OXR1: variants seen among roughly 807,000 people sequenced by gnomAD.
OXR1 encodes the protein oxidation resistance protein 1.
In OXR1, 41 loss-of-function variants were observed where a neutral mutation model predicts 104.6. The ratio of observed to expected loss-of-function variants is 0.39; its 90% CI spans 0.31 to 0.51. The LOEUF is 0.51. Ranked by LOEUF, OXR1 falls within the 20% of genes least tolerant of loss-of-function variation. The probability of loss-of-function intolerance (pLI) is 0.77; values close to 1 mark genes in which losing one functional copy is unlikely to be tolerated. For missense variants in OXR1, 955 were observed against 1,031.9 expected (o/e 0.93, Z 1.02); for synonymous variants, 348 against 348.4 (o/e 1.00, Z 0.01).
Position 106,320,672 on chromosome 8 carries a change from CT to C in OXR1, c.-138-38797del, listed in dbSNP as rs1814176343. ...TCTCTTCTCTTTTTCTCTCATTCTT[CT>C]TTTTTTGGGGGGGGCGGGGACAGAG... On this transcript the variant is annotated intron_variant, in intron 1 of 16. Coordinates refer to ENST00000517566, the MANE Select transcript of OXR1 (RefSeq NM_001198533.2). Among the ~76,000 whole-genome samples the C allele has an allele frequency of 3.1e-5, 4 of 129,028 alleles. No individual in the cohort carries two copies. The South Asian group carries it at 6.8e-4, about 22-fold the overall frequency. 84.6% of individuals were successfully genotyped at this position (129,028 alleles called of 152,430 possible).
At chr8:106,284,328 A>G (rs570250534) in intron 1 of OXR1, among the ~76,000 whole-genome samples, 1 of 152,158 alleles carries the variant, frequency 6.6e-6, no homozygotes, top group Non-Finnish European at 1.5e-5. Flanking sequence ...GTTGGCACAT[A>G]TGAGGACACC....
At chr8:106,698,050 CG>C (rs1830234271) in intron 7 of OXR1, 1 of 1,476,038 alleles carries the variant, frequency 6.8e-7, no homozygotes, top group East Asian at 2.3e-5. Context: ...AGCGTTCAAA[CG>C]GGCTGGAGAG....
At chr8:106,306,290 T>C (rs1256143999) in intron 1 of OXR1, among the ~76,000 whole-genome samples, 3 of 152,146 alleles carry the variant, frequency 2.0e-5, no homozygotes, top group Non-Finnish European at 2.9e-5. Flanking sequence ...GTTAATAATT[T>C]TATTTCATTC....
intron 3 of OXR1, among the ~76,000 whole-genome samples, chr8:106,549,535 T>C (rs757928157): frequency 6.6e-6 from 1 of 152,226 alleles, no homozygotes; most frequent in Non-Finnish European, 1.5e-5. Context: ...ATTTTTAAAA[T>C]GATCACTATC....
chr8:106,310,052 T>C (rs1185750583), intron 1 of OXR1, among the ~76,000 whole-genome samples: 1 of 151,922 alleles, frequency 6.6e-6, no homozygotes, highest in Non-Finnish European at 1.5e-5. Context: ...CTGTGGAAAA[T>C]GGGAATGATT....
chr8:106,518,787 TTC>T (rs1292396093), intron 2 of OXR1, among the ~76,000 whole-genome samples, 154 bp from the exon 3 acceptor site: 2 of 152,336 alleles, frequency 1.3e-5, no homozygotes, highest in Admixed American at 1.3e-4. Context: ...TGTAGAATTT[TTC>T]TTAAAATACT....
intron 3 of OXR1, among the ~76,000 whole-genome samples, chr8:106,555,742 A>T (rs550627458): frequency 6.6e-6 from 1 of 152,018 alleles, no homozygotes; most frequent in African/African-American, 2.4e-5. Flanking sequence ...TATGATAAAT[A>T]ATTTATAAAT....
chr8:106,408,217 C>T (rs945568807), intron 2 of OXR1, among the ~76,000 whole-genome samples: 47 of 152,252 alleles, frequency 3.1e-4, no homozygotes, highest in African/African-American at 1.0e-3. Flanking sequence ...GTTCTTCTCT[C>T]TGGAATAGTT....
At chr8:106,676,581 G>C (rs964625962) in intron 3 of OXR1, among the ~76,000 whole-genome samples, 1 of 152,032 alleles carries the variant, frequency 6.6e-6, no homozygotes, top group African/African-American at 2.4e-5. Flanking sequence ...TGAAATTCTG[G>C]GTTGGAATTT....
chr8:106,476,128 T>C (rs1597923), intron 2 of OXR1, among the ~76,000 whole-genome samples: 81,391 of 151,556 alleles, frequency 0.54, 24,183 homozygotes, highest in Non-Finnish European at 0.68. Flanking sequence ...CTGACAACTC[T>C]TTCCATAGAG....
chr8:106,609,400 C>T (rs1312411646), intron 3 of OXR1, among the ~76,000 whole-genome samples: 1 of 151,962 alleles, frequency 6.6e-6, no homozygotes, highest in Non-Finnish European at 1.5e-5. Context: ...GTAGCTTTGC[C>T]CTCATGGATT....
At chr8:106,549,209 C>A (rs533763974) in intron 3 of OXR1, among the ~76,000 whole-genome samples, 2 of 151,980 alleles carry the variant, frequency 1.3e-5, no homozygotes, top group Non-Finnish European at 2.9e-5. Context: ...AACCCCCAGG[C>A]CCCCTTGTAT....
At chr8:106,650,800 C>A (rs186805848) in intron 3 of OXR1, among the ~76,000 whole-genome samples, 2 of 152,152 alleles carry the variant, frequency 1.3e-5, no homozygotes, top group South Asian at 2.1e-4. Flanking sequence ...TTGAAGCATA[C>A]GACATGTGGT....
rs1348379983 is a variant in OXR1, at chr8:106,518,981, C to T, written c.62C>T (p.Pro21Leu). 1.9e-6 allele frequency: 3 copies of T among 1,551,360 alleles called. No homozygotes were observed. The highest frequency in any genetic ancestry group is 2.6e-6 in the Non-Finnish European group (3 of 1,146,846). ...KKSQSVDINA[P>L]GFNPLAGAGK... is the part of the protein sequence containing the mutation. ...TCCCAGTCGGTGGATATTAATGCTC[C>T]AGGGTTCAACCCTTTGGCTGGTGCA... Residue 21 changes from proline (P) to leucine (L), a missense_variant, in exon 3 of 17, where the codon CCA becomes CTA. Coordinates refer to ENST00000517566, the MANE Select transcript of OXR1 (RefSeq NM_001198533.2).
intron 2 of OXR1, among the ~76,000 whole-genome samples, chr8:106,397,958 A>G (rs1817848239): frequency 6.6e-6 from 1 of 152,040 alleles, no homozygotes; most frequent in Admixed American, 6.6e-5. Context: ...TCCTTTTCCT[A>G]GCTTCCAGCA....
intron 16 of OXR1, 68 bp from the exon 17 acceptor site, chr8:106,750,738 A>C (rs1835832137): frequency 8.9e-7 from 1 of 1,123,940 alleles, no homozygotes; most frequent in African/African-American, 1.6e-5. Context: ...TAGGTATTCA[A>C]AGTCTCATTT....
chr8:106,324,088 T>C (rs1814352141), intron 1 of OXR1, among the ~76,000 whole-genome samples: 2 of 152,298 alleles, frequency 1.3e-5, no homozygotes, highest in Non-Finnish European at 2.9e-5. Flanking sequence ...GTGTTCACAA[T>C]GGCAAAGACA....
chr8:106,344,329 T>TTTTTG (rs200352825), intron 1 of OXR1, among the ~76,000 whole-genome samples: 2 of 152,090 alleles, frequency 1.3e-5, no homozygotes, highest in South Asian at 2.1e-4. Flanking sequence ...TTTGTTTTTG[T>TTTTTG]TTTTGTTTTG....
chr8:106,444,591 C>T (rs941969149), intron 2 of OXR1, among the ~76,000 whole-genome samples: 7 of 151,926 alleles, frequency 4.6e-5, no homozygotes, highest in South Asian at 2.1e-4. Flanking sequence ...ACAGGAACAG[C>T]GAACCAAACA....
Sources: allele counts gnomAD v4.1 joint callset (sites outside exome capture counted in the v4.1 genomes callset), GRCh38; gene constraint gnomAD v4.1.1; transcripts MANE v1.5; gene names NCBI Gene and HGNC (gene_info 2026-07-23, HGNC 2026-07-21).